The following CNTNAP2 variants were observed in gnomAD, a reference collection of about 807,000 sequenced individuals.
CNTNAP2 encodes the protein contactin-associated protein-like 2.
CNTNAP2 carries 98 observed loss-of-function variants against 155.2 expected under a neutral mutation model. The observed-to-expected ratio is 0.63, with a 90% CI of 0.54 to 0.75. The LOEUF (loss-of-function observed/expected upper bound fraction) is 0.75, where lower values mean the gene tolerates loss of function less well. Ranked by LOEUF, CNTNAP2 falls within the 30% of genes least tolerant of loss-of-function variation. The pLI is 0.00. For missense variants in CNTNAP2, 1,727 were observed against 1,688.1 expected (o/e 1.02, Z -0.40); for synonymous variants, 651 against 631.2 (o/e 1.03, Z -0.47).
chr7:147,023,180 C>G (rs1246159660), intron 3 of CNTNAP2, among the ~76,000 whole-genome samples: 1 of 152,044 alleles, frequency 6.6e-6, no homozygotes, highest in African/African-American at 2.4e-5. Context: ...AACACGGGCA[C>G]GGCAACTGAT....
chr7:148,378,817 G>GC lies in CNTNAP2; in HGVS notation c.3476-4828dup, dbSNP rs1249681389. Among the ~76,000 whole-genome samples, 5 of 67,070 alleles carry GC rather than the reference G, an allele frequency of 7.5e-5. 1 individual carries two copies. The highest frequency in any genetic ancestry group is 1.8e-4 in the African/African-American group (5 of 27,364). The allele number at this position is 67,070 out of a possible 152,430, so 44.0% of individuals were successfully genotyped here. A position where few individuals can be genotyped will look rare whatever the true frequency, so the allele number is the denominator to read the frequency against. On this transcript the variant is annotated intron_variant, in intron 21 of 23. Transcript: ENST00000361727. The stretch of plus-strand genomic sequence containing the variant: ...TTGGCACCATAATAAAGATAGTCCA[G>GC]CCCCACACTGAGCCGGCCTGAGACT...
At chr7:146,437,881 G>GT (rs11353994) in intron 1 of CNTNAP2, among the ~76,000 whole-genome samples, 107 of 147,204 alleles carry the variant, frequency 7.3e-4, no homozygotes, top group East Asian at 2.0e-3. Context: ...CCCCAATCTC[G>GT]TTTTTTTTTT....
chr7:147,635,986 CTAATT>C (rs983659681), intron 12 of CNTNAP2, among the ~76,000 whole-genome samples: 2 of 152,124 alleles, frequency 1.3e-5, no homozygotes, highest in African/African-American at 2.4e-5. Flanking sequence ...CAAAACCAAT[CTAATT>C]TAATTAATGT....
At chr7:146,460,030 A>G (rs1796612709) in intron 1 of CNTNAP2, among the ~76,000 whole-genome samples, 1 of 152,142 alleles carries the variant, frequency 6.6e-6, no homozygotes, top group Non-Finnish European at 1.5e-5. Flanking sequence ...TGTGAGAGGC[A>G]GAACAGAGGA....
chr7:147,627,585 G>A (rs544311716), intron 12 of CNTNAP2, among the ~76,000 whole-genome samples: 111 of 151,342 alleles, frequency 7.3e-4, no homozygotes, highest in African/African-American at 2.4e-3. Context: ...CCAGGTACTT[G>A]GGAGGCTGAG....
At chr7:146,841,334 CAGAG>C (rs759187869) in intron 3 of CNTNAP2, among the ~76,000 whole-genome samples, 2 of 131,790 alleles carry the variant, frequency 1.5e-5, no homozygotes, top group Non-Finnish European at 3.1e-5. Flanking sequence ...TAAAATTTGG[CAGAG>C]AGAGAGAGGG....
chr7:147,299,858 A>T (rs2116768291), intron 8 of CNTNAP2, among the ~76,000 whole-genome samples: 1 of 152,252 alleles, frequency 6.6e-6, no homozygotes, highest in African/African-American at 2.4e-5. Context: ...GAGGTCATCT[A>T]AATGACTTTT....
At chr7:146,641,956 T>C (rs1799715667) in intron 1 of CNTNAP2, among the ~76,000 whole-genome samples, 1 of 152,086 alleles carries the variant, frequency 6.6e-6, no homozygotes, top group Admixed American at 6.6e-5. Context: ...AAATTAGCAC[T>C]AGTTTGTAAA....
chr7:146,311,562 G>GGAGTTTGA (rs1243153929), intron 1 of CNTNAP2, among the ~76,000 whole-genome samples: 52 of 142,978 alleles, frequency 3.6e-4, no homozygotes, highest in Admixed American at 2.8e-4. Flanking sequence ...CTCGAAGCCT[G>GGAGTTTGA]GAGTTTGAGA....
intron 10 of CNTNAP2, among the ~76,000 whole-genome samples, chr7:147,396,271 G>GT (rs1189460136): frequency 6.6e-6 from 1 of 151,186 alleles, no homozygotes; most frequent in Non-Finnish European, 1.5e-5. Context: ...TCAATAAGTA[G>GT]TTTTGCAAGC....
chr7:147,246,422 T>C (rs1804070384), intron 8 of CNTNAP2, among the ~76,000 whole-genome samples: 1 of 152,226 alleles, frequency 6.6e-6, no homozygotes, highest in East Asian at 1.9e-4. Context: ...AATGTATTTC[T>C]CACAGTTCTA....
chr7:146,214,734 CAG>C (rs1352136315), intron 1 of CNTNAP2, among the ~76,000 whole-genome samples: 2 of 152,044 alleles, frequency 1.3e-5, no homozygotes, highest in Non-Finnish European at 2.9e-5. Flanking sequence ...TTGTAAAGTT[CAG>C]AGTTATTCCT....
In CNTNAP2 at chr7:146,380,954, T is replaced by A. The variant is rs973251786; in HGVS notation, c.97+263981T>A. 2.6e-4 allele frequency among the ~76,000 whole-genome samples: 39 copies of A among 150,712 alleles called. No individual in the cohort carries two copies. In the East Asian group the frequency reaches 6.9e-3, roughly 27 times the overall value. On this transcript the variant is annotated intron_variant, in intron 1 of 23. Coordinates refer to ENST00000361727, the MANE Select transcript of CNTNAP2 (RefSeq NM_014141.6). ...GCTGGGACTACAGGCGCCCGCCACC[T>A]CGCCCGGCTAATTTTTTGTATTTTT...
At chr7:147,852,831 G>T (rs988919643) in intron 13 of CNTNAP2, among the ~76,000 whole-genome samples, 1 of 152,122 alleles carries the variant, frequency 6.6e-6, no homozygotes, top group African/African-American at 2.4e-5. Context: ...TCCTCTGCTG[G>T]TTGAAACCTA....
intron 13 of CNTNAP2, among the ~76,000 whole-genome samples, chr7:147,863,615 C>G (rs1223894218): frequency 6.6e-6 from 1 of 152,020 alleles, no homozygotes; most frequent in African/African-American, 2.4e-5. Flanking sequence ...TTTTAATGAT[C>G]ACCATTCTAA....
chr7:146,536,473 T>C (rs540110310), intron 1 of CNTNAP2, among the ~76,000 whole-genome samples: 100 of 152,108 alleles, frequency 6.6e-4, no homozygotes, highest in African/African-American at 2.4e-3. Flanking sequence ...TTTTTAATGA[T>C]GCATTGGGGG....
chr7:148,343,058 C>A (rs1321287880), intron 21 of CNTNAP2, among the ~76,000 whole-genome samples: 1 of 152,212 alleles, frequency 6.6e-6, no homozygotes, highest in East Asian at 1.9e-4. Flanking sequence ...CCACAGCACT[C>A]CCTGCTTGAG....
At chr7:146,575,878 C>A (rs565563150) in intron 1 of CNTNAP2, among the ~76,000 whole-genome samples, 42 of 152,238 alleles carry the variant, frequency 2.8e-4, no homozygotes, top group Admixed American at 8.5e-4. Context: ...TGGCTTAAAT[C>A]TTGTCTACCG....
chr7:147,043,824 T>G, intron 3 of CNTNAP2, 83 bp from the exon 4 acceptor site: 1 of 1,498,622 alleles, frequency 6.7e-7, no homozygotes, highest in Non-Finnish European at 9.2e-7. Context: ...TTGGATGACA[T>G]TTGTGTTTAT....
Sources: gnomAD v4.1 joint callset for allele counts (sites outside exome capture counted in the v4.1 genomes callset) on GRCh38, gnomAD v4.1.1 for gene constraint, MANE v1.5 for transcripts, NCBI Gene and HGNC (gene_info 2026-07-23, HGNC 2026-07-21) for gene names.